ATG7: variants seen among roughly 807,000 people sequenced by gnomAD.
ATG7 encodes autophagy related 7.
ATG7 carries 70 observed loss-of-function variants against 82.4 expected under a neutral mutation model. That is an observed-to-expected ratio of 0.85 (90% CI 0.70 to 1.04). ATG7 has a LOEUF of 1.04. Among genes scored for constraint, ATG7 ranks in the 50% least tolerant of loss-of-function variants. ATG7 has a pLI of 0.00. For missense variants in ATG7, 792 were observed against 864.3 expected (o/e 0.92, Z 1.05); for synonymous variants, 287 against 313.0 (o/e 0.92, Z 0.88).
intron 20 of ATG7, among the ~76,000 whole-genome samples, chr3:11,532,871 T>G (rs752686477): frequency 5.3e-5 from 8 of 152,210 alleles, no homozygotes; most frequent in Non-Finnish European, 1.0e-4. Flanking sequence ...AAATGAATTA[T>G]TTTGTTGAGA....
rs62245920 is a variant in ATG7 at position 11,477,800 on chromosome 3, C to A, written c.2079+50874C>A. Among the ~76,000 whole-genome samples the A allele has an allele frequency of 2.0e-5, 3 of 152,188 alleles. No individual in the cohort carries two copies. The East Asian group carries it at 5.8e-4, about 29-fold the overall frequency. On this transcript the variant is annotated intron_variant, in intron 20 of 20. Coordinates refer to ENST00000693202, the MANE Select transcript of ATG7 (RefSeq NM_001349232.2). The stretch of plus-strand genomic sequence containing the variant: ...GGAATCAGTACAGCCTAGACGCATT[C>A]TCTGTCCATGTCTCAGCTGAGCTTG...
At chr3:11,368,882 A>G (rs1170296654) in intron 18 of ATG7, among the ~76,000 whole-genome samples, 2 of 151,146 alleles carry the variant, frequency 1.3e-5, no homozygotes, top group South Asian at 2.1e-4. Context: ...TTGGTTCTAA[A>G]GTACTGATAA....
chr3:11,454,442 G>A (rs536408318), intron 20 of ATG7, among the ~76,000 whole-genome samples: 1 of 152,224 alleles, frequency 6.6e-6, no homozygotes, highest in Non-Finnish European at 1.5e-5. Context: ...ATGAGTCTGG[G>A]CTGGGGCAGC....
chr3:11,571,577 G>A, the ATG7 span, among the ~76,000 whole-genome samples: 1 of 151,986 alleles, frequency 6.6e-6, no homozygotes, highest in Admixed American at 6.5e-5. Context: ...CTACTCAGGA[G>A]GATGGCTGGA....
intron 11 of ATG7, among the ~76,000 whole-genome samples, chr3:11,340,063 G>T (rs189476367): frequency 3.3e-5 from 5 of 152,312 alleles, no homozygotes; most frequent in East Asian, 3.9e-4. Flanking sequence ...AAAGAGGGCT[G>T]CGGGGAAGGG....
chr3:11,566,636 C>T, the ATG7 span, among the ~76,000 whole-genome samples: 4 of 152,182 alleles, frequency 2.6e-5, no homozygotes, highest in South Asian at 8.3e-4. Context: ...GATGCGGCCA[C>T]TCTCTGCCTC....
intron 20 of ATG7, among the ~76,000 whole-genome samples, chr3:11,516,782 A>C (rs1285303745): frequency 1.3e-5 from 2 of 152,196 alleles, no homozygotes; most frequent in Non-Finnish European, 2.9e-5. Context: ...AGAAAGTTTA[A>C]ATGCATATTA....
At chr3:11,445,206 A>G (rs1265142288) in intron 20 of ATG7, among the ~76,000 whole-genome samples, 1 of 152,270 alleles carries the variant, frequency 6.6e-6, no homozygotes, top group Non-Finnish European at 1.5e-5. Flanking sequence ...TACTGGGTAT[A>G]TACCCAAAGG....
At chr3:11,417,465 C>T (rs993001036) in intron 19 of ATG7, among the ~76,000 whole-genome samples, 1 of 152,104 alleles carries the variant, frequency 6.6e-6, no homozygotes, top group Non-Finnish European at 1.5e-5. Flanking sequence ...GAAGTCTGTT[C>T]TATCTGAAAT....
intron 19 of ATG7, among the ~76,000 whole-genome samples, chr3:11,416,696 A>G (rs1332580376): frequency 6.6e-6 from 1 of 151,998 alleles, no homozygotes; most frequent in Admixed American, 6.6e-5. Context: ...TTCTGTTTTC[A>G]GTGTCATTGA....
At chr3:11,276,952 C>G (rs1941937184) in intron 1 of ATG7, among the ~76,000 whole-genome samples, 1 of 152,194 alleles carries the variant, frequency 6.6e-6, no homozygotes, top group Non-Finnish European at 1.5e-5. Flanking sequence ...GCCGTTCTTT[C>G]TCCATTCTTG....
chr3:11,475,274 T>A (rs2088018917), intron 20 of ATG7, among the ~76,000 whole-genome samples: 1 of 152,106 alleles, frequency 6.6e-6, no homozygotes, highest in Admixed American at 6.5e-5. Flanking sequence ...CATTCCCTCC[T>A]CAAGTCCTTA....
chr3:11,406,224 A>G (rs1181947463), intron 19 of ATG7, among the ~76,000 whole-genome samples: 3 of 152,114 alleles, frequency 2.0e-5, no homozygotes, highest in Admixed American at 6.5e-5. Flanking sequence ...TCCTGGACTC[A>G]AGTGATCTGC....
intron 20 of ATG7, 35 bp downstream of exon 20, chr3:11,426,961 G>C (rs375860562): frequency 1.9e-6 from 3 of 1,541,144 alleles, no homozygotes; most frequent in African/African-American, 1.4e-5. Context: ...AGTGAAGACT[G>C]ACATGCTTAA....
rs1011347355 is a variant in ATG7 at position 11,449,751 on chromosome 3, T to G, written c.2079+22825T>G. The stretch of plus-strand genomic sequence containing the variant: ...AGGACAAGGGCCACACCTTTCCCCC[T>G]TTGTGCCCTCAAACACTAACAGGCG... On this transcript the variant is annotated intron_variant, in intron 20 of 20. Coordinates refer to ENST00000693202, the MANE Select transcript of ATG7 (RefSeq NM_001349232.2). 1.5e-4 allele frequency among the ~76,000 whole-genome samples: 23 copies of G among 152,340 alleles called. 1 individual carries two copies. Among genetic ancestry groups the G allele is most frequent in the Admixed American group, 9.2e-4 (14 of 15,298 alleles).
chr3:11,422,163 G>A (rs9836989), intron 19 of ATG7, among the ~76,000 whole-genome samples: 125,099 of 152,218 alleles, frequency 0.82, 51,619 homozygotes, highest in East Asian at 1. Context: ...CTTGACCAAG[G>A]GAGTCAGCCT....
chr3:11,402,905 A>C (rs1026176426), intron 19 of ATG7, among the ~76,000 whole-genome samples: 4 of 152,314 alleles, frequency 2.6e-5, no homozygotes, highest in African/African-American at 9.6e-5. Context: ...TTAGCAGTTA[A>C]TCAAATTAGA....
chr3:11,299,701 G>T (rs1946482506), intron 5 of ATG7, among the ~76,000 whole-genome samples: 1 of 152,100 alleles, frequency 6.6e-6, no homozygotes. Context: ...TTTGATTGTA[G>T]TTAATATTTT....
chr3:11,308,260 A>G (rs1461749124), intron 6 of ATG7, among the ~76,000 whole-genome samples: 1 of 152,248 alleles, frequency 6.6e-6, no homozygotes, highest in Non-Finnish European at 1.5e-5. Flanking sequence ...CACCAAGTTT[A>G]GCTACGAATC....
Sources: allele counts gnomAD v4.1 joint callset (sites outside exome capture counted in the v4.1 genomes callset), GRCh38; gene constraint gnomAD v4.1.1; transcripts MANE v1.5; gene names NCBI Gene and HGNC (gene_info 2026-07-23, HGNC 2026-07-21).